IMMP2L: variants seen among roughly 807,000 people sequenced by gnomAD.
The protein encoded by IMMP2L is inner mitochondrial membrane peptidase subunit 2.
IMMP2L carries 18 observed loss-of-function variants against 19.3 expected under a neutral mutation model. The ratio of observed to expected loss-of-function variants is 0.93; its 90% CI spans 0.64 to 1.38. IMMP2L has a LOEUF of 1.38. Ranked by LOEUF, IMMP2L falls within the 40% of genes most tolerant of loss-of-function variation. The pLI is 0.00. For synonymous variants in IMMP2L, 76 were observed against 73.0 expected (o/e 1.04, Z -0.21); for missense variants, 233 against 218.2 (o/e 1.07, Z -0.43).
chr7:111,195,736 T>C (rs1337259028), intron 3 of IMMP2L, among the ~76,000 whole-genome samples: 1 of 18 alleles, frequency 0.056, no homozygotes, highest in Non-Finnish European at 0.083. Flanking sequence ...TTCCAGAGCA[T>C]GATAAATTTA....
chr7:110,813,519 C>A (rs1802201464), intron 5 of IMMP2L, among the ~76,000 whole-genome samples: 1 of 151,546 alleles, frequency 6.6e-6, no homozygotes, highest in Non-Finnish European at 1.5e-5. Context: ...CCCTGATCTC[C>A]CAGGCTCAAA....
intron 4 of IMMP2L, among the ~76,000 whole-genome samples, chr7:110,922,648 T>G (rs1413862954): frequency 4.6e-5 from 7 of 152,168 alleles, no homozygotes; most frequent in African/African-American, 1.7e-4. Flanking sequence ...CTGGTTGGGT[T>G]AGGCTCAAGG....
chr7:110,733,319 A>T (rs1184277140), intron 5 of IMMP2L, among the ~76,000 whole-genome samples: 1 of 152,172 alleles, frequency 6.6e-6, no homozygotes, highest in African/African-American at 2.4e-5. Context: ...ATGCAGTAAG[A>T]TGGATGAAGA....
At chr7:111,097,377 T>C (rs1285585052) in intron 3 of IMMP2L, 1 of 151,930 alleles carries the variant, frequency 6.6e-6, no homozygotes, top group Non-Finnish European at 1.5e-5. Flanking sequence ...GACTTCGTTT[T>C]CACTGTGATA....
At chr7:110,966,605 G>A (rs1227677032) in intron 3 of IMMP2L, among the ~76,000 whole-genome samples, 1 of 151,594 alleles carries the variant, frequency 6.6e-6, no homozygotes, top group African/African-American at 2.4e-5. Context: ...GTATGCAAAG[G>A]GAGCTATCTA....
chr7:111,533,524 A>G (rs1179975288), intron 1 of IMMP2L, among the ~76,000 whole-genome samples: 1 of 152,152 alleles, frequency 6.6e-6, no homozygotes, highest in Admixed American at 6.6e-5. Flanking sequence ...GAAATGACTA[A>G]TACAATACAA....
intron 5 of IMMP2L, among the ~76,000 whole-genome samples, chr7:110,840,854 A>G (rs1487833030): frequency 6.6e-6 from 1 of 152,050 alleles, no homozygotes; most frequent in African/African-American, 2.4e-5. Context: ...AAGTACAAAA[A>G]TGTTATTTCA....
chr7:110,716,751 T>A (rs565479348), intron 5 of IMMP2L, among the ~76,000 whole-genome samples: 2 of 152,296 alleles, frequency 1.3e-5, no homozygotes, highest in African/African-American at 2.4e-5. Context: ...AAAGGAATGG[T>A]GAACTCTGAA....
chr7:111,158,390 A>G (rs1322105670), intron 3 of IMMP2L, among the ~76,000 whole-genome samples: 1 of 152,110 alleles, frequency 6.6e-6, no homozygotes, highest in Admixed American at 6.6e-5. Context: ...GAGATTTTTA[A>G]ATTGTATAAT....
At chr7:111,313,621 T>C (rs1048709530) in intron 3 of IMMP2L, among the ~76,000 whole-genome samples, 3 of 152,166 alleles carry the variant, frequency 2.0e-5, no homozygotes, top group African/African-American at 7.2e-5. Context: ...GTGTCTATGT[T>C]CCTGACATTG....
At chr7:110,815,029 G>A (rs1019754383) in intron 5 of IMMP2L, among the ~76,000 whole-genome samples, 1 of 151,972 alleles carries the variant, frequency 6.6e-6, no homozygotes, top group Non-Finnish European at 1.5e-5. Flanking sequence ...TGCCGAGAGA[G>A]GGCTCTAGGA....
intron 3 of IMMP2L, among the ~76,000 whole-genome samples, chr7:111,300,939 CT>C (rs1822160354): frequency 1.3e-5 from 2 of 152,130 alleles, no homozygotes; most frequent in Admixed American, 6.6e-5. Context: ...GTTTTCATCA[CT>C]CTCAGATAAA....
At chr7:110,732,675 T>C (rs1231097857) in intron 5 of IMMP2L, among the ~76,000 whole-genome samples, 1 of 152,210 alleles carries the variant, frequency 6.6e-6, no homozygotes, top group Non-Finnish European at 1.5e-5. Context: ...TCAATTTTTC[T>C]GATAGAAAGT....
intron 3 of IMMP2L, among the ~76,000 whole-genome samples, chr7:111,031,764 A>G (rs544465112): frequency 1.3e-5 from 2 of 152,120 alleles, no homozygotes; most frequent in Admixed American, 6.5e-5. Flanking sequence ...GAGAAAAATA[A>G]TAACTTTACA....
At chr7:110,999,920 T>C (rs571117520) in intron 3 of IMMP2L, among the ~76,000 whole-genome samples, 15 of 152,274 alleles carry the variant, frequency 9.9e-5, no homozygotes, top group Non-Finnish European at 1.8e-4. Flanking sequence ...GATGAAACTT[T>C]ACAAGTTAAG....
At chr7:110,754,736 A>G (rs1230370488) in intron 5 of IMMP2L, among the ~76,000 whole-genome samples, 2 of 151,824 alleles carry the variant, frequency 1.3e-5, no homozygotes, top group African/African-American at 4.8e-5. Flanking sequence ...GTACTGTAAT[A>G]TATTTGCCAT....
chr7:111,341,838 G>A (rs974357732), intron 3 of IMMP2L, among the ~76,000 whole-genome samples: 4 of 152,188 alleles, frequency 2.6e-5, no homozygotes, highest in East Asian at 1.9e-4. Context: ...ACCTTTATGC[G>A]GAGATTCACA....
At chr7:110,902,407 A>G (rs1292643402) in intron 4 of IMMP2L, among the ~76,000 whole-genome samples, 1 of 150,026 alleles carries the variant, frequency 6.7e-6, no homozygotes, top group Non-Finnish European at 1.5e-5. Flanking sequence ...AAAAAAAAAG[A>G]TTAATTCTGA....
At chr7:111,476,827 TG>T (rs1433668041) in intron 3 of IMMP2L, among the ~76,000 whole-genome samples, 1 of 152,294 alleles carries the variant, frequency 6.6e-6, no homozygotes, top group East Asian at 1.9e-4. Flanking sequence ...CTTCATATGC[TG>T]CACTTCCCTA....
Sources: allele counts gnomAD v4.1 joint callset (sites outside exome capture counted in the v4.1 genomes callset), GRCh38; gene constraint gnomAD v4.1.1; transcripts MANE v1.5; gene names NCBI Gene and HGNC (gene_info 2026-07-23, HGNC 2026-07-21).